PVT1: variants seen among roughly 807,000 people sequenced by gnomAD.
PVT1 encodes CXCR4/PVT1 fusion.
rs565591473 is a variant in PVT1 at position 128,007,307 on chromosome 8, A to G, written n.912+18016A>G. The stretch of plus-strand genomic sequence containing the variant: ...TGTACTAAAGTTAATTTCCTGACAC[A>G]GTTAAATAATTGTACTGTGTATATA... On this transcript the variant is annotated intron_variant and non_coding_transcript_variant, in intron 4 of 10. Transcript: ENST00000651587. Among the ~76,000 whole-genome samples, 10 of 152,376 alleles carry G rather than the reference A, an allele frequency of 6.6e-5. No homozygotes were observed. In the East Asian group the frequency reaches 1.7e-3, roughly 26 times the overall value.
At chr8:127,937,850 C>T (rs1816298593) in intron 3 of PVT1, among the ~76,000 whole-genome samples, 1 of 152,162 alleles carries the variant, frequency 6.6e-6, no homozygotes, top group Non-Finnish European at 1.5e-5. Flanking sequence ...ACCCAAGTCT[C>T]AGAGAGGGAA....
chr8:127,798,704 CAAAAAAAAA>C (rs71300266), intron 2 of PVT1, among the ~76,000 whole-genome samples: 1 of 110,478 alleles, frequency 9.1e-6, no homozygotes, highest in Non-Finnish European at 1.7e-5. Flanking sequence ...ACTAAAAATA[CAAAAAAAAA>C]AAAAAAAAAA....
intron 4 of PVT1, among the ~76,000 whole-genome samples, chr8:128,001,218 T>C (rs1386551155): frequency 6.6e-6 from 1 of 152,120 alleles, no homozygotes; most frequent in African/African-American, 2.4e-5. Context: ...CCATGACTGC[T>C]CCTGAGGGGC....
chr8:127,968,223 C>A (rs1816724329), intron 3 of PVT1, among the ~76,000 whole-genome samples: 1 of 152,054 alleles, frequency 6.6e-6, no homozygotes, highest in African/African-American at 2.4e-5. Flanking sequence ...CCAAAGTGAC[C>A]CTCCTGCCTG....
intron 3 of PVT1, among the ~76,000 whole-genome samples, chr8:127,968,911 C>A (rs1163870394): frequency 1.3e-5 from 2 of 152,132 alleles, no homozygotes; most frequent in Non-Finnish European, 2.9e-5. Context: ...CCACCAGAAG[C>A]CAGGAGAGGC....
chr8:127,926,042 T>A (rs922379681), intron 3 of PVT1, among the ~76,000 whole-genome samples: 2 of 152,146 alleles, frequency 1.3e-5, no homozygotes, highest in Non-Finnish European at 2.9e-5. Flanking sequence ...GAGAGAGGCG[T>A]GGAGAAAAGG....
At chr8:127,870,362 C>T (rs1225124997) in intron 2 of PVT1, among the ~76,000 whole-genome samples, 2 of 152,152 alleles carry the variant, frequency 1.3e-5, no homozygotes, top group Non-Finnish European at 1.5e-5. Context: ...ATGGAGCCTT[C>T]AGAGGGAGCA....
chr8:128,001,211 T>C (rs1817173108), intron 4 of PVT1, among the ~76,000 whole-genome samples: 1 of 152,146 alleles, frequency 6.6e-6, no homozygotes, highest in Non-Finnish European at 1.5e-5. Flanking sequence ...CCCACAACCA[T>C]GACTGCTCCT....
chr8:128,014,540 C>T lies in PVT1; in HGVS notation n.912+25249C>T, dbSNP rs1817350084. On this transcript the variant is annotated intron_variant and non_coding_transcript_variant, in intron 4 of 10. Coordinates refer to ENST00000651587, the Ensembl canonical transcript of PVT1. ...TTATTTCTGATAAGCTCTTTGGCTT[C>T]TGTGAAGCCGCCTGGCCGTGTCTGG... Among the ~76,000 whole-genome samples the T allele has an allele frequency of 2.0e-5, 3 of 152,306 alleles. No homozygotes were observed. The South Asian group carries it at 6.2e-4, about 32-fold the overall frequency.
At chr8:127,800,373 GT>G (rs1321978711) in intron 2 of PVT1, among the ~76,000 whole-genome samples, 1 of 152,162 alleles carries the variant, frequency 6.6e-6, no homozygotes, top group East Asian at 1.9e-4. Context: ...CCTAGTGGAT[GT>G]CACACAGTAG....
At chr8:128,091,093 T>C (rs1051062471) in intron 5 of PVT1, among the ~76,000 whole-genome samples, 1 of 152,178 alleles carries the variant, frequency 6.6e-6, no homozygotes, top group Non-Finnish European at 1.5e-5. Flanking sequence ...GTGCCTAGCA[T>C]GTGAGTGCTC....
At chr8:127,908,528 G>A (rs1254823637) in intron 3 of PVT1, among the ~76,000 whole-genome samples, 3 of 151,974 alleles carry the variant, frequency 2.0e-5, no homozygotes, top group Admixed American at 2.0e-4. Context: ...TTTTAGTAAA[G>A]ACGGGGTTTC....
chr8:128,088,320 G>A (rs1042224039), intron 5 of PVT1, among the ~76,000 whole-genome samples: 7 of 152,228 alleles, frequency 4.6e-5, no homozygotes, highest in African/African-American at 9.6e-5. Context: ...GTCCCAGCTC[G>A]TGGCGCAGAC....
chr8:128,065,977 A>G (rs1005350225), intron 4 of PVT1, among the ~76,000 whole-genome samples: 3 of 152,264 alleles, frequency 2.0e-5, no homozygotes, highest in Non-Finnish European at 4.4e-5. Context: ...GCAACAACAG[A>G]TGACAGATCC....
intron 5 of PVT1, among the ~76,000 whole-genome samples, chr8:128,087,114 A>G (rs1392365078): frequency 1.3e-5 from 2 of 152,224 alleles, no homozygotes. Flanking sequence ...TCAGTCTTCA[A>G]TAGCCCTCTG....
At chr8:127,819,589 T>C (rs1814706951) in intron 2 of PVT1, among the ~76,000 whole-genome samples, 1 of 152,160 alleles carries the variant, frequency 6.6e-6, no homozygotes. Context: ...GATCTCTTCC[T>C]CCAGGGTTCC....
chr8:127,800,105 TGCAGAGCACTTA>T (rs767953541), intron 2 of PVT1, among the ~76,000 whole-genome samples: 19 of 152,288 alleles, frequency 1.2e-4, no homozygotes, highest in Middle Eastern at 6.8e-3. Flanking sequence ...CCTGGGATGG[TGCAGAGCACTTA>T]GCAGAGCACT....
At chr8:127,996,914 C>T (rs1047329819) in intron 4 of PVT1, among the ~76,000 whole-genome samples, 8 of 152,114 alleles carry the variant, frequency 5.3e-5, no homozygotes, top group South Asian at 2.1e-4. Context: ...TTGTGAGCCT[C>T]GGTTTCCTCT....
chr8:127,923,228 G>T (rs1205798120), intron 3 of PVT1, among the ~76,000 whole-genome samples: 2 of 152,224 alleles, frequency 1.3e-5, no homozygotes, highest in Admixed American at 6.5e-5. Context: ...TCATAGCGAT[G>T]CTGGCTGCCT....
Sources: gnomAD v4.1 joint callset for allele counts (sites outside exome capture counted in the v4.1 genomes callset) on GRCh38, gnomAD v4.1.1 for gene constraint, MANE v1.5 for transcripts, NCBI Gene and HGNC (gene_info 2026-07-23, HGNC 2026-07-21) for gene names.